The following KCNMA1 variants were observed in gnomAD, a reference collection of about 807,000 sequenced individuals.
KCNMA1 encodes potassium calcium-activated channel subfamily M alpha 1, also known as Calcium-activated potassium channel subunit alpha-1.
Under a neutral mutation model 140.0 loss-of-function variants are expected in KCNMA1, and 29 were observed. The ratio of observed to expected loss-of-function variants is 0.21; its 90% CI spans 0.15 to 0.28. KCNMA1 has a LOEUF of 0.28. KCNMA1 is among the 10% of genes least tolerant of loss of function. The pLI is 1.00. For synonymous variants in KCNMA1, 612 were observed against 611.9 expected (o/e 1.00, Z 0.00); for missense variants, 880 against 1,602.2 (o/e 0.55, Z 7.70).
At chr10:77,363,565 T>C (rs764686313) in intron 2 of KCNMA1, among the ~76,000 whole-genome samples, 1 of 152,226 alleles carries the variant, frequency 6.6e-6, no homozygotes, top group Non-Finnish European at 1.5e-5. Flanking sequence ...CTTAAAACAC[T>C]TCCATGGTGC....
At chr10:77,030,548 T>C (rs2093858314) in intron 15 of KCNMA1, among the ~76,000 whole-genome samples, 1 of 152,176 alleles carries the variant, frequency 6.6e-6, no homozygotes, top group South Asian at 2.1e-4. Flanking sequence ...CCAGTCCACT[T>C]TGGGACTCTG....
chr10:77,095,537 G>A (rs765799912), intron 9 of KCNMA1, among the ~76,000 whole-genome samples: 52 of 152,232 alleles, frequency 3.4e-4, no homozygotes, highest in Non-Finnish European at 5.4e-4. Context: ...AGGGCAGTGC[G>A]GTGGGTCACG....
intron 1 of KCNMA1, among the ~76,000 whole-genome samples, chr10:77,472,765 T>C (rs893863656): frequency 4.9e-4 from 75 of 152,200 alleles, no homozygotes; most frequent in African/African-American, 1.7e-3. Context: ...GTGACATCTG[T>C]GGAGAGCGCT....
rs2097289508 is a variant in KCNMA1, at chr10:77,110,207, C to T, written c.1097G>A (p.Arg366His). 2.5e-6 allele frequency: 4 copies of T among 1,613,822 alleles called. No homozygotes were observed. The highest frequency in any genetic ancestry group is 1.7e-5 in the Admixed American group (1 of 59,992). Residue 366 changes from arginine to histidine, a missense_variant, in exon 8 of 28, where the codon CGC becomes CAC. Physicochemically the swap from Arg to His is conservative, Grantham distance 29. Around this residue, in one of 13 missense-constraint regions of KCNMA1, gnomAD observed 198 missense variants for 580.1 expected, o/e 0.34. Coordinates refer to ENST00000286628, the MANE Select transcript of KCNMA1 (RefSeq NM_001161352.2). Reference sequence around the variant, plus strand: ...GAGGATGAAGAAGACCATGAAGAGGCGCCCAAGTGTGGTTTTTGCATAAAC... The same window carrying T: ...GAGGATGAAGAAGACCATGAAGAGGTGCCCAAGTGTGGTTTTTGCATAAAC... ...GDVYAKTTLG[R>H]LFMVFFILGG...
At chr10:76,967,257 T>G (rs1462232681) in intron 20 of KCNMA1, among the ~76,000 whole-genome samples, 6 of 152,172 alleles carry the variant, frequency 3.9e-5, no homozygotes, top group Non-Finnish European at 8.8e-5. Flanking sequence ...CACAAACTCA[T>G]GTCGAAAAAT....
intron 1 of KCNMA1, among the ~76,000 whole-genome samples, chr10:77,506,596 A>AGAGTGTGTGTGTGTGTGTGT: frequency 2.4e-5 from 2 of 83,570 alleles, no homozygotes; most frequent in African/African-American, 1.5e-4. Flanking sequence ...AGAGAGAGAG[A>AGAGTGTGTGTGTGTGTGTGT]GTGTGTGTGT....
chr10:77,561,272 G>T (rs1208535949), intron 1 of KCNMA1, among the ~76,000 whole-genome samples: 1 of 152,146 alleles, frequency 6.6e-6, no homozygotes. Flanking sequence ...ATAAAGTTCA[G>T]TGATACCAGT....
At position 77,108,923 on chromosome 10, in the gene KCNMA1, T is replaced by C. The variant is rs1318669219; in HGVS notation, c.1132-351A>G. Among the ~76,000 whole-genome samples the C allele has an allele frequency of 6.6e-6, 1 of 152,120 alleles. No individual in the cohort carries two copies. On this transcript the variant is annotated intron_variant, in intron 8 of 27. Transcript: ENST00000286628. This position sits in a 1 kb window ranked among gnomAD's most constrained non-coding sequence, Gnocchi z 4.6. ...GTGAAACTAAACACACACAGACACATGTGTGCATGCACAGACACACACAGT... is the reference window on the plus strand; with the variant it reads ...GTGAAACTAAACACACACAGACACACGTGTGCATGCACAGACACACACAGT...
At chr10:77,609,791 C>G (rs932533535) in intron 1 of KCNMA1, among the ~76,000 whole-genome samples, 1 of 151,840 alleles carries the variant, frequency 6.6e-6, no homozygotes, top group African/African-American at 2.4e-5. Context: ...CTCAGGCCTG[C>G]GTCAGGAACA....
intron 15 of KCNMA1, among the ~76,000 whole-genome samples, chr10:77,037,422 T>A (rs2094406046): frequency 6.6e-6 from 1 of 152,204 alleles, no homozygotes; most frequent in Admixed American, 6.5e-5. Context: ...TACTACTATT[T>A]GGAAATATCA....
intron 1 of KCNMA1, among the ~76,000 whole-genome samples, chr10:77,422,975 A>G (rs963105772): frequency 6.6e-6 from 1 of 152,370 alleles, no homozygotes; most frequent in East Asian, 1.9e-4. Context: ...ACTAAGAAAC[A>G]TTCTAGTCCA....
At chr10:77,618,466 T>C (rs576057014) in intron 1 of KCNMA1, among the ~76,000 whole-genome samples, 3 of 152,096 alleles carry the variant, frequency 2.0e-5, no homozygotes, top group Non-Finnish European at 4.4e-5. Flanking sequence ...AACTGGCAAC[T>C]GGCCAGGTAT....
At chr10:77,205,044 T>G (rs535841686) in intron 3 of KCNMA1, among the ~76,000 whole-genome samples, 46 of 152,274 alleles carry the variant, frequency 3.0e-4, no homozygotes, top group African/African-American at 1.1e-3. Context: ...AAGATGAATT[T>G]GAGGCTCTCC....
chr10:77,517,040 CAT>C (rs2050784379), intron 1 of KCNMA1, among the ~76,000 whole-genome samples: 1 of 150,780 alleles, frequency 6.6e-6, no homozygotes, highest in African/African-American at 2.4e-5. Flanking sequence ...GGCCTGCATA[CAT>C]GTGCATGCAT....
chr10:77,361,446 C>T (rs1475375069), intron 2 of KCNMA1, among the ~76,000 whole-genome samples: 1 of 152,216 alleles, frequency 6.6e-6, no homozygotes, highest in African/African-American at 2.4e-5. Context: ...TGCCACTGGC[C>T]TGGGGTCTCA....
chr10:77,404,156 G>A (rs2096381990), intron 1 of KCNMA1, 133 bp from the exon 2 acceptor site: 6 of 736,300 alleles, frequency 8.1e-6, no homozygotes, highest in Non-Finnish European at 1.4e-5. Flanking sequence ...TAGGAGTAAA[G>A]CAGAAGGGGT....
chr10:77,429,373 T>C (rs2097098867), intron 1 of KCNMA1, among the ~76,000 whole-genome samples: 1 of 152,192 alleles, frequency 6.6e-6, no homozygotes, highest in African/African-American at 2.4e-5. Context: ...CTGGCATCTA[T>C]CCAGTAGCTA....
intron 23 of KCNMA1, among the ~76,000 whole-genome samples, chr10:76,925,744 T>A (rs1450865135): frequency 1.3e-5 from 2 of 152,230 alleles, no homozygotes; most frequent in Non-Finnish European, 2.9e-5. Context: ...GGGCCCCAGT[T>A]GTTTGGTTTA....
At chr10:77,157,782 G>A (rs1027111393) in intron 5 of KCNMA1, among the ~76,000 whole-genome samples, 1 of 152,176 alleles carries the variant, frequency 6.6e-6, no homozygotes, top group Non-Finnish European at 1.5e-5. Flanking sequence ...CTGAGCATGA[G>A]GCTGCAGTGT....
Sources: allele counts gnomAD v4.1 joint callset (sites outside exome capture counted in the v4.1 genomes callset), GRCh38; gene constraint gnomAD v4.1.1; regional missense constraint gnomAD v4.1.1; non-coding constraint Gnocchi (gnomAD v3.1); transcripts MANE v1.5; gene names NCBI Gene and HGNC (gene_info 2026-07-23, HGNC 2026-07-21).